STK32A: variants seen among roughly 807,000 people sequenced by gnomAD.
STK32A encodes the protein serine/threonine-protein kinase 32A.
Under a neutral mutation model 53.2 loss-of-function variants are expected in STK32A, and 41 were observed. The ratio of observed to expected loss-of-function variants is 0.77; its 90% CI spans 0.60 to 1.00. The LOEUF is 1.00. STK32A is among the 50% of genes least tolerant of loss of function. STK32A has a pLI of 0.00. For missense variants in STK32A, 458 were observed against 485.8 expected, an observed-to-expected ratio of 0.94 and a Z score of 0.54; for synonymous variants, 166 against 162.8, an observed-to-expected ratio of 1.02 and a Z score of -0.15.
At chr5:147,306,366 AAAAACTTTT>A (rs1753409526) in intron 4 of STK32A, among the ~76,000 whole-genome samples, 1 of 152,036 alleles carries the variant, frequency 6.6e-6, no homozygotes, top group East Asian at 1.9e-4. Flanking sequence ...AAAGTTTTTT[AAAAACTTTT>A]ATTTAGCACA....
At chr5:147,297,669 A>G (rs1273297121) in intron 4 of STK32A, among the ~76,000 whole-genome samples, 1 of 152,144 alleles carries the variant, frequency 6.6e-6, no homozygotes, top group Non-Finnish European at 1.5e-5. Context: ...CCAGCAGGGC[A>G]TTTGAAGGAT....
chr5:147,298,685 G>C (rs757070741), intron 4 of STK32A, among the ~76,000 whole-genome samples: 2 of 152,170 alleles, frequency 1.3e-5, no homozygotes, highest in African/African-American at 4.8e-5. Flanking sequence ...TTTTTCAAGA[G>C]AAACTATATT....
At chr5:147,396,881 ATATAGTGT>A in the STK32A span, among the ~76,000 whole-genome samples, 1 of 148,880 alleles carries the variant, frequency 6.7e-6, no homozygotes, top group Non-Finnish European at 1.5e-5. Context: ...ATATATATAT[ATATAGTGT>A]GTGTATAGAA....
intron 2 of STK32A, among the ~76,000 whole-genome samples, chr5:147,268,955 T>C (rs923722664): frequency 2.6e-4 from 40 of 152,322 alleles, no homozygotes; most frequent in African/African-American, 9.4e-4. Context: ...TTCTACTTTT[T>C]TGTGCAAGAT....
intron 2 of STK32A, among the ~76,000 whole-genome samples, chr5:147,268,170 GTTGT>G (rs1326360529): frequency 6.6e-6 from 1 of 152,066 alleles, no homozygotes; most frequent in Non-Finnish European, 1.5e-5. Flanking sequence ...TTATATTGCA[GTTGT>G]TTATTTATGT....
chr5:147,343,498 GTTTTACATTTGCAAATTGGT>G (rs1755541169), intron 6 of STK32A, among the ~76,000 whole-genome samples: 1 of 152,138 alleles, frequency 6.6e-6, no homozygotes, highest in Non-Finnish European at 1.5e-5. Context: ...AGGCAAATTG[GTTTTACATTTGCAAATTGGT>G]TTTTACATTT....
At chr5:147,395,538 T>C in the STK32A span, 1 of 1,598,648 alleles carries the variant, frequency 6.3e-7, no homozygotes, top group African/African-American at 1.3e-5. Flanking sequence ...TCTTATCTTT[T>C]GATGAGCCTG....
chr5:147,307,960 T>G (rs1753501299), intron 4 of STK32A, among the ~76,000 whole-genome samples: 1 of 152,176 alleles, frequency 6.6e-6, no homozygotes, highest in Non-Finnish European at 1.5e-5. Flanking sequence ...TTTCAGTAAT[T>G]CATCTTTGGA....
chr5:147,258,530 A>T (rs112980091), intron 2 of STK32A, among the ~76,000 whole-genome samples: 9,550 of 148,490 alleles, frequency 0.064, 1,033 homozygotes, highest in African/African-American at 0.24. Context: ...TTCCCTTTTA[A>T]AACTTTTTTT....
downstream of STK32A, among the ~76,000 whole-genome samples, chr5:147,388,761 T>C (rs866421115): frequency 1.3e-5 from 2 of 152,294 alleles, no homozygotes; most frequent in South Asian, 2.1e-4. Flanking sequence ...ACTCAGCCAC[T>C]GAACAGCTCC....
At chr5:147,310,713 A>T (rs1753651583) in intron 4 of STK32A, among the ~76,000 whole-genome samples, 1 of 152,128 alleles carries the variant, frequency 6.6e-6, no homozygotes, top group African/African-American at 2.4e-5. Flanking sequence ...TAAGCAAGAG[A>T]CTGATTTAAT....
chr5:147,285,555 T>C (rs1181995145), intron 4 of STK32A, among the ~76,000 whole-genome samples: 1 of 151,996 alleles, frequency 6.6e-6, no homozygotes, highest in Non-Finnish European at 1.5e-5. Context: ...TGACAAAGGA[T>C]GAATATCCAG....
intron 2 of STK32A, among the ~76,000 whole-genome samples, chr5:147,265,015 A>G (rs1345290533): frequency 1.3e-5 from 2 of 151,462 alleles, no homozygotes; most frequent in Non-Finnish European, 2.9e-5. Flanking sequence ...AATCGTGGTT[A>G]TCTTTAGATG....
At chr5:147,401,292 T>C in the STK32A span, among the ~76,000 whole-genome samples, 1 of 152,184 alleles carries the variant, frequency 6.6e-6, no homozygotes, top group Admixed American at 6.5e-5. Flanking sequence ...AGTCTTACCA[T>C]AGAGCTTGGT....
At chr5:147,296,595 A>C (rs1435346356) in intron 4 of STK32A, among the ~76,000 whole-genome samples, 1 of 152,034 alleles carries the variant, frequency 6.6e-6, no homozygotes, top group Non-Finnish European at 1.5e-5. Context: ...TTTGCCTCTT[A>C]GTGTGCATGC....
intron 5 of STK32A, among the ~76,000 whole-genome samples, chr5:147,331,366 T>TG (rs1458912885): frequency 6.6e-6 from 1 of 152,130 alleles, no homozygotes; most frequent in African/African-American, 2.4e-5. Context: ...TTAAGCAACT[T>TG]GCCAATATAC....
At chr5:147,389,297 CTTCCTTGCA>C (rs1164413246), downstream of STK32A, among the ~76,000 whole-genome samples, 1 of 152,170 alleles carries the variant, frequency 6.6e-6, no homozygotes, top group Non-Finnish European at 1.5e-5. Flanking sequence ...CTCTTTTTGC[CTTCCTTGCA>C]TCCATCCCTC....
chr5:147,304,546 C>T (rs1441722860), intron 4 of STK32A, among the ~76,000 whole-genome samples: 3 of 152,036 alleles, frequency 2.0e-5, no homozygotes, highest in Non-Finnish European at 4.4e-5. Flanking sequence ...CCATTTAGAC[C>T]AGGGACTTGA....
At chr5:147,322,236 G>A (rs977015837) in intron 4 of STK32A, among the ~76,000 whole-genome samples, 1 of 152,158 alleles carries the variant, frequency 6.6e-6, no homozygotes, top group Non-Finnish European at 1.5e-5. Flanking sequence ...CCAAGCATAT[G>A]TTTCTCAGGC....
Sources: gnomAD v4.1 joint callset for allele counts (sites outside exome capture counted in the v4.1 genomes callset) on GRCh38, gnomAD v4.1.1 for gene constraint, MANE v1.5 for transcripts, NCBI Gene and HGNC (gene_info 2026-07-23, HGNC 2026-07-21) for gene names.